The following PEX16 variants were observed in gnomAD, a reference collection of about 807,000 sequenced individuals.
The protein encoded by PEX16 is peroxisomal biogenesis factor 16, also known as peroxin 16.
A neutral mutation model predicts 50.5 loss-of-function variants in PEX16; 37 were observed. The observed-to-expected ratio is 0.73, with a 90% CI of 0.56 to 0.96. PEX16 has a LOEUF of 0.96. Among genes scored for constraint, PEX16 ranks in the 40% least tolerant of loss-of-function variants. The probability of loss-of-function intolerance (pLI) is 0.00; values close to 1 mark genes in which losing one functional copy is unlikely to be tolerated. For synonymous variants in PEX16, 185 were observed against 190.3 expected (o/e 0.97, Z 0.23); for missense variants, 401 against 438.3 (o/e 0.91, Z 0.76).
At position 45,913,884 on chromosome 11, in the gene PEX16, C is replaced by T; in HGVS notation, c.822G>A (p.Leu274=). 6.2e-7 allele frequency: 1 copy of T among 1,611,484 alleles called. No homozygotes were observed. Among genetic ancestry groups the T allele is most frequent in the Non-Finnish European group, 8.5e-7 (1 of 1,179,594 alleles). The change falls in exon 9 of 11, where the codon CTG becomes CTA. Residue 274 remains leucine (L), a synonymous_variant. Coordinates refer to ENST00000378750, the MANE Select transcript of PEX16 (RefSeq NM_004813.4). ...AGAGCAGCAGGATGGTCCGGCGCCG[C>T]AGCTCCCGCCGCTCCCTCCGGGTCA... The part of the protein sequence containing the change: ...KGLTRRERRE[L]RRRTILLLYY...
rs188900244 is a variant in PEX16 at position 45,910,081 on chromosome 11, G to C, written c.*173C>G. The C allele has an allele frequency of 1.2e-6, 2 of 1,608,780 alleles. No individual in the cohort carries two copies. The highest frequency in any genetic ancestry group is 2.2e-5 in the East Asian group (1 of 44,870). ...GGGCTGCAGTGGCATCGTCACAGGAGAGCGCAGTCAAGGGTGTCCTGGGAG... is the reference window on the plus strand; with the variant it reads ...GGGCTGCAGTGGCATCGTCACAGGACAGCGCAGTCAAGGGTGTCCTGGGAG... On this transcript the variant is annotated 3_prime_UTR_variant, in exon 11 of 11. Coordinates refer to ENST00000378750, the MANE Select transcript of PEX16 (RefSeq NM_004813.4).
At chr11:45,911,463 G>A (rs190513137) in intron 9 of PEX16, among the ~76,000 whole-genome samples, 2 of 152,378 alleles carry the variant, frequency 1.3e-5, no homozygotes, top group Non-Finnish European at 2.9e-5. Context: ...CAAGGCCCAA[G>A]GCCCTGATTT....
At chr11:45,916,203 C>T (rs756498528) in intron 3 of PEX16, 24 bp downstream of exon 3, 3 of 1,580,444 alleles carry the variant, frequency 1.9e-6, no homozygotes, top group African/African-American at 1.3e-5. Flanking sequence ...ATGCTTCCCA[C>T]CCTGTTCTTG....
chr11:45,915,824 G>C lies in PEX16; in HGVS notation c.238C>G (p.Gln80Glu), dbSNP rs1244471687. The part of the protein sequence containing the change: ...RKKLPVSLSQ[Q>E]KLLTWLSVLE... Reference sequence around the variant, plus strand: ...ACGCTCAGCCATGTCAGCAGCTTCTGCTGGGACAGCGACTGCAAGAACCCC... The same window carrying C: ...ACGCTCAGCCATGTCAGCAGCTTCTCCTGGGACAGCGACTGCAAGAACCCC... Residue 80 changes from glutamine (Q) to glutamate (E), a missense_variant, in exon 4 of 11, where the codon CAG becomes GAG. By Grantham distance (29) the Gln-to-Glu change is conservative. Transcript: ENST00000378750. 6.2e-7 allele frequency: 1 copy of C among 1,613,728 alleles called. No individual in the cohort carries two copies. The highest frequency in any genetic ancestry group is 8.5e-7 in the Non-Finnish European group (1 of 1,179,952).
rs770726448 is a variant in PEX16 at position 45,914,415 on chromosome 11, G to A, written c.595C>T (p.Gln199Ter). 1.3e-5 allele frequency: 21 copies of A among 1,609,112 alleles called. No individual in the cohort carries two copies. The highest frequency in any genetic ancestry group is 1.8e-5 in the Non-Finnish European group (21 of 1,180,002). ...WGAPQQREGR[Q>*]QQHHEELSAT... is the part of the protein sequence containing the mutation. ...CTCAGCTCCTCGTGATGCTGCTGCT[G>A]CCGTCCCTCCCGCTGCTGGGGAGCT... Residue 199 changes from glutamine to a stop codon, truncating the protein, a stop_gained, in exon 7 of 11, where the codon CAG (glutamine) becomes TAG (stop). Transcript: ENST00000378750. LOFTEE classifies it high-confidence loss of function.
Position 45,914,375 on chromosome 11 carries a change from G to C in PEX16, c.635C>G (p.Pro212Arg), listed in dbSNP as rs201846257. The C allele has an allele frequency of 9.9e-5, 160 of 1,610,894 alleles. 1 individual carries two copies. In the East Asian group the frequency reaches 2.6e-3, roughly 26 times the overall value. ...HHEELSATPTPLGLQETIAEF... is the reference protein window; with the variant it reads ...HHEELSATPTRLGLQETIAEF... ...TGCGATGGTCTCCTGCAGCCCCAGG[G>C]GGGTGGGGGTCGCACTCAGCTCCTC... The change falls in exon 7 of 11, where the codon CCC becomes CGC. Residue 212 changes from proline to arginine, a missense_variant. Physicochemically the swap from Pro to Arg is moderately radical, Grantham distance 103. Transcript: ENST00000378750.
chr11:45,911,027 G>A (rs1434703736), intron 9 of PEX16, 65 bp from the exon 10 acceptor site: 2 of 1,098,996 alleles, frequency 1.8e-6, no homozygotes, highest in Non-Finnish European at 2.8e-6. Flanking sequence ...CAAACCAGGA[G>A]GCCCAGAGGC....
At position 45,917,827 on chromosome 11, in the gene PEX16, G is replaced by A. The variant is rs1340915685; in HGVS notation, c.-16C>T. 2.0e-6 allele frequency: 3 copies of A among 1,510,402 alleles called. No homozygotes were observed. The highest frequency in any genetic ancestry group is 1.2e-5 in the South Asian group (1 of 83,418). 93.6% of individuals were successfully genotyped at this position (1,510,402 alleles called of 1,614,324 possible). The stretch of plus-strand genomic sequence containing the variant: ...GCTTCTCCATCCTGCCCTCGGCACC[G>A]ACAGACCCACAGAAGGACCGTACGA... On this transcript the variant is annotated 5_prime_UTR_variant, in exon 1 of 11. Coordinates refer to ENST00000378750, the MANE Select transcript of PEX16 (RefSeq NM_004813.4).
chr11:45,917,043 G>A (rs959785800), intron 2 of PEX16: 2 of 496,192 alleles, frequency 4.0e-6, no homozygotes, highest in East Asian at 5.8e-5. Context: ...CACTCTTGAG[G>A]TAGTTACAAT....
At position 45,917,838 on chromosome 11, in the gene PEX16, A is replaced by G. The variant is rs1228501389; in HGVS notation, c.-27T>C. 6.8e-7 allele frequency: 1 copy of G among 1,474,692 alleles called. No individual in the cohort carries two copies. The highest frequency in any genetic ancestry group is 1.2e-5 in the South Asian group (1 of 82,744). 91.4% of individuals were successfully genotyped at this position (1,474,692 alleles called of 1,614,324 possible). ...CTGCCCTCGGCACCGACAGACCCAC[A>G]GAAGGACCGTACGACAGGCTGCGGC... On this transcript the variant is annotated 5_prime_UTR_variant, in exon 1 of 11. Transcript: ENST00000378750.
chr11:45,913,806 C>T lies in PEX16; in HGVS notation c.887+13G>A. The T allele has an allele frequency of 6.2e-7, 1 of 1,613,970 alleles. No individual in the cohort carries two copies. The highest frequency in any genetic ancestry group is 8.5e-7 in the Non-Finnish European group (1 of 1,179,990). ...CAGCCCTCTCCCTGGCTCAGGGTGT[C>T]CTGGGTGCTTACTCGGAGAAGCGGT... On this transcript the variant is annotated intron_variant, in intron 9 of 10. Coordinates refer to ENST00000378750, the MANE Select transcript of PEX16 (RefSeq NM_004813.4).
In PEX16 at chr11:45,910,176, C is replaced by A. The variant is rs141070939; in HGVS notation, c.*78G>T. On this transcript the variant is annotated 3_prime_UTR_variant, in exon 11 of 11. Coordinates refer to ENST00000378750, the MANE Select transcript of PEX16 (RefSeq NM_004813.4). ...GGCACGGAGAGGCCGCACGCTGGGACGCTGCCGGAGTCAGTTTTATTAGGG... is the reference window on the plus strand; with the variant it reads ...GGCACGGAGAGGCCGCACGCTGGGAAGCTGCCGGAGTCAGTTTTATTAGGG... 6.2e-7 allele frequency: 1 copy of A among 1,612,280 alleles called. No homozygotes were observed. Among genetic ancestry groups the A allele is most frequent in the Non-Finnish European group, 8.5e-7 (1 of 1,179,938 alleles).
rs765121964 is a variant in PEX16 at position 45,910,183 on chromosome 11, G to A, written c.*71C>T. The stretch of plus-strand genomic sequence containing the variant: ...AGAGGCCGCACGCTGGGACGCTGCC[G>A]GAGTCAGTTTTATTAGGGAAGAGGG... On this transcript the variant is annotated 3_prime_UTR_variant, in exon 11 of 11. Coordinates refer to ENST00000378750, the MANE Select transcript of PEX16 (RefSeq NM_004813.4). 1.6e-5 allele frequency: 25 copies of A among 1,612,436 alleles called. No homozygotes were observed. The highest frequency in any genetic ancestry group is 1.1e-4 in the African/African-American group (8 of 74,880).
chr11:45,917,294 A>G (rs568338672), intron 2 of PEX16, among the ~76,000 whole-genome samples, 164 bp downstream of exon 2: 25 of 152,298 alleles, frequency 1.6e-4, no homozygotes, highest in African/African-American at 6.0e-4. Context: ...AGGGACATGG[A>G]GGGCCCAGGA....
chr11:45,914,766 T>C, intron 5 of PEX16, 82 bp from the exon 6 acceptor site: 1 of 1,169,160 alleles, frequency 8.6e-7, no homozygotes, highest in Non-Finnish European at 1.3e-6. Flanking sequence ...CAGTGAATGC[T>C]CAGGAGCTAA....
intron 1 of PEX16, 25 bp from the exon 2 acceptor site, chr11:45,917,518 T>C: frequency 6.2e-7 from 1 of 1,613,366 alleles, no homozygotes; most frequent in East Asian, 2.2e-5. Context: ...CAGAAGGAGG[T>C]GTGAGTGAGC....
rs764696866 is a variant in PEX16, at chr11:45,913,913, C to T, written c.793G>A (p.Gly265Ser). 1.9e-6 allele frequency: 3 copies of T among 1,613,256 alleles called. No individual in the cohort carries two copies. Among genetic ancestry groups the T allele is most frequent in the Non-Finnish European group, 2.5e-6 (3 of 1,179,986 alleles). The part of the protein sequence containing the change: ...TSLSLLSDRK[G>S]LTRRERRELR... Reference sequence around the variant, plus strand: ...TCCCGCCGCTCCCTCCGGGTCAGGCCCTTTCTGTCACTCAGGAGGCTCAGG... The same window carrying T: ...TCCCGCCGCTCCCTCCGGGTCAGGCTCTTTCTGTCACTCAGGAGGCTCAGG... Residue 265 changes from glycine (G) to serine (S), a missense_variant, in exon 9 of 11, where the codon GGC becomes AGC. Gly to Ser is a moderately conservative substitution (Grantham distance 56). Coordinates refer to ENST00000378750, the MANE Select transcript of PEX16 (RefSeq NM_004813.4).
chr11:45,917,267 G>A, intron 2 of PEX16, 191 bp downstream of exon 2: 1 of 686,802 alleles, frequency 1.5e-6, no homozygotes. Context: ...AAGGTCCCCA[G>A]ACGTGTCTCT....
chr11:45,917,860 C>G lies in PEX16; in HGVS notation c.-49G>C. 2 of 1,332,570 alleles carry G rather than the reference C, an allele frequency of 1.5e-6. No homozygotes were observed. The highest frequency in any genetic ancestry group is 5.0e-5 in the East Asian group (2 of 39,974). The allele number at this position is 1,332,570 out of a possible 1,614,324, so 82.5% of individuals were successfully genotyped here. The stretch of plus-strand genomic sequence containing the variant: ...CACAGAAGGACCGTACGACAGGCTG[C>G]GGCGCCCTGCTTCCTGCGCCCTCCT... On this transcript the variant is annotated 5_prime_UTR_variant, in exon 1 of 11. Coordinates refer to ENST00000378750, the MANE Select transcript of PEX16 (RefSeq NM_004813.4).
Sources: gnomAD v4.1 joint callset for allele counts (sites outside exome capture counted in the v4.1 genomes callset) on GRCh38, gnomAD v4.1.1 for gene constraint, MANE v1.5 for transcripts, NCBI Gene and HGNC (gene_info 2026-07-23, HGNC 2026-07-21) for gene names.